RPIA: variants seen among roughly 807,000 people sequenced by gnomAD.
The protein encoded by RPIA is ribose 5-phosphate isomerase A, also known as ribose-5-phosphate isomerase.
RPIA carries 29 observed loss-of-function variants against 37.8 expected under a neutral mutation model. That is an observed-to-expected ratio of 0.77 (90% CI 0.57 to 1.05). The LOEUF (loss-of-function observed/expected upper bound fraction) is 1.05, where lower values mean the gene tolerates loss of function less well. Ranked by LOEUF, RPIA falls within the 50% of genes least tolerant of loss-of-function variation. The pLI is 0.00. For synonymous variants in RPIA, 167 were observed against 157.0 expected (o/e 1.06, Z -0.48); for missense variants, 385 against 413.6 (o/e 0.93, Z 0.60).
chr2:88,750,179 C>A lies in RPIA; in HGVS notation c.*101C>A. 9.2e-5 allele frequency: 64 copies of A among 698,566 alleles called. No individual in the cohort carries two copies. Among genetic ancestry groups the A allele is most frequent in the East Asian group, 1.2e-4 (4 of 32,082 alleles). 43.3% of individuals were successfully genotyped at this position (698,566 alleles called of 1,614,324 possible). A position where few individuals can be genotyped will look rare whatever the true frequency, so the allele number is the denominator to read the frequency against. On this transcript the variant is annotated 3_prime_UTR_variant, in exon 9 of 9. Coordinates refer to ENST00000283646, the MANE Select transcript of RPIA (RefSeq NM_144563.3). ...TTGCCTTAATGTATCTCTGCCTGGACAACTTGTGGTGGGGGGTGGGGGGAA... is the reference window on the plus strand; with the variant it reads ...TTGCCTTAATGTATCTCTGCCTGGAAAACTTGTGGTGGGGGGTGGGGGGAA...
chr2:88,711,271 C>G (rs1462008937), intron 3 of RPIA, among the ~76,000 whole-genome samples: 2 of 152,182 alleles, frequency 1.3e-5, no homozygotes, highest in African/African-American at 4.8e-5. Context: ...GCAAGGTGGT[C>G]AAGCTATAGC....
At chr2:88,693,852 AGCCACCTTGG>A (rs1676978030) in intron 1 of RPIA, among the ~76,000 whole-genome samples, 1 of 152,236 alleles carries the variant, frequency 6.6e-6, no homozygotes, top group Admixed American at 6.5e-5. Context: ...TCCTTTGTAT[AGCCACCTTGG>A]GCCCAGCTCT....
Position 88,750,292 on chromosome 2 carries a change from T to C in RPIA, c.*214T>C. On this transcript the variant is annotated 3_prime_UTR_variant, in exon 9 of 9. Transcript: ENST00000283646. ...GAGAAATATAAACATATATTTTTAC[T>C]ATTAAAATATTCAGTTTTTTAAATG... The C allele has an allele frequency of 2.4e-6, 1 of 418,194 alleles. No individual in the cohort carries two copies. Among genetic ancestry groups the C allele is most frequent in the South Asian group, 4.3e-5 (1 of 23,360 alleles). 25.9% of individuals were successfully genotyped at this position (418,194 alleles called of 1,614,324 possible).
At chr2:88,698,604 G>A (rs1326095425) in intron 2 of RPIA, 60 bp downstream of exon 2, 1 of 1,492,132 alleles carries the variant, frequency 6.7e-7, no homozygotes, top group Non-Finnish European at 9.4e-7. Context: ...GGGAGGTAGA[G>A]GAGAGGGAGG....
chr2:88,713,265 C>T (rs1274583301), intron 3 of RPIA, among the ~76,000 whole-genome samples: 2 of 148,666 alleles, frequency 1.3e-5, no homozygotes, highest in Non-Finnish European at 3.0e-5. Flanking sequence ...GGCCTCTAGC[C>T]ATCCTCCCAC....
chr2:88,714,494 G>A (rs977164692), intron 3 of RPIA, among the ~76,000 whole-genome samples: 2 of 152,178 alleles, frequency 1.3e-5, no homozygotes, highest in East Asian at 3.8e-4. Flanking sequence ...TTTGAAGAGT[G>A]CTGGGCTACC....
At chr2:88,693,507 C>G (rs79885488) in intron 1 of RPIA, among the ~76,000 whole-genome samples, 1 of 152,180 alleles carries the variant, frequency 6.6e-6, no homozygotes, top group South Asian at 2.1e-4. Context: ...ATTTCTCTTC[C>G]GTGATTCTGT....
At chr2:88,735,431 G>T (rs1673303459) in intron 5 of RPIA, among the ~76,000 whole-genome samples, 1 of 152,218 alleles carries the variant, frequency 6.6e-6, no homozygotes, top group Admixed American at 6.5e-5. Flanking sequence ...ATGGAATTAT[G>T]CCTGGCCTGA....
intron 3 of RPIA, among the ~76,000 whole-genome samples, chr2:88,722,794 A>C (rs1032563075): frequency 6.6e-6 from 1 of 152,232 alleles, no homozygotes; most frequent in East Asian, 1.9e-4. Flanking sequence ...CAAAGAAAAC[A>C]GAACACCCCA....
At chr2:88,698,620 G>A in intron 2 of RPIA, 76 bp downstream of exon 2, 2 of 1,387,036 alleles carry the variant, frequency 1.4e-6, no homozygotes, top group Non-Finnish European at 2.1e-6. Context: ...GGAGGAAGTG[G>A]CACACAGGTT....
At chr2:88,738,211 T>C (rs955674781) in intron 8 of RPIA, 135 bp downstream of exon 8, 69 of 714,692 alleles carry the variant, frequency 9.7e-5, no homozygotes, top group Non-Finnish European at 1.6e-4. Flanking sequence ...CTTTATACCA[T>C]GTTTGGGTTT....
intron 8 of RPIA, among the ~76,000 whole-genome samples, chr2:88,745,910 AC>A (rs1231707731): frequency 4.6e-5 from 7 of 152,194 alleles, no homozygotes; most frequent in South Asian, 2.1e-4. Context: ...TTCCTCAGGA[AC>A]ATCAGTTATT....
intron 3 of RPIA, among the ~76,000 whole-genome samples, chr2:88,713,935 A>G (rs886905573): frequency 1.4e-5 from 2 of 140,790 alleles, no homozygotes; most frequent in Non-Finnish European, 3.1e-5. Flanking sequence ...CAATTTCTTC[A>G]CTGAGGATGT....
At position 88,749,602 on chromosome 2, in the gene RPIA, G is replaced by C. The variant is rs560568589; in HGVS notation, c.839-379G>C. Among the ~76,000 whole-genome samples the C allele has an allele frequency of 1.3e-4, 20 of 152,318 alleles. No individual in the cohort carries two copies. In the East Asian group the frequency reaches 3.5e-3, roughly 26 times the overall value. Reference sequence around the variant, plus strand: ...TAACTGGTAGTGGGGCTCCTTGGCTGGAGTAGTCATGGAGGGTCTCTAGAG... The same window carrying C: ...TAACTGGTAGTGGGGCTCCTTGGCTCGAGTAGTCATGGAGGGTCTCTAGAG... On this transcript the variant is annotated intron_variant, in intron 8 of 8. Transcript: ENST00000283646.
At chr2:88,713,120 A>ATATATATATATT (rs1041923467) in intron 3 of RPIA, among the ~76,000 whole-genome samples, 1 of 65,280 alleles carries the variant, frequency 1.5e-5, no homozygotes, top group African/African-American at 7.9e-5. Context: ...ATATATATAT[A>ATATATATATATT]TTTTTTTTTT....
intron 8 of RPIA, among the ~76,000 whole-genome samples, chr2:88,747,226 G>A (rs536772793): frequency 1.2e-4 from 19 of 152,228 alleles, no homozygotes; most frequent in African/African-American, 4.3e-4. Context: ...TGCCAGGGAA[G>A]TAGGAGAAAG....
intron 3 of RPIA, among the ~76,000 whole-genome samples, chr2:88,724,266 G>T (rs1168187043): frequency 6.6e-6 from 1 of 152,082 alleles, no homozygotes; most frequent in Non-Finnish European, 1.5e-5. Flanking sequence ...ATAATTGAAA[G>T]AAACTTTTGC....
chr2:88,711,307 A>G (rs1252439255), intron 3 of RPIA, among the ~76,000 whole-genome samples: 1 of 152,246 alleles, frequency 6.6e-6, no homozygotes, highest in Non-Finnish European at 1.5e-5. Flanking sequence ...TTAGGGAAAC[A>G]TAAGACATCT....
At chr2:88,709,818 A>C (rs955263057) in intron 3 of RPIA, among the ~76,000 whole-genome samples, 1 of 152,240 alleles carries the variant, frequency 6.6e-6, no homozygotes, top group African/African-American at 2.4e-5. Context: ...CTGCTGCGTC[A>C]ACAAAATACT....
Sources: gnomAD v4.1 joint callset for allele counts (sites outside exome capture counted in the v4.1 genomes callset) on GRCh38, gnomAD v4.1.1 for gene constraint, MANE v1.5 for transcripts, NCBI Gene and HGNC (gene_info 2026-07-23, HGNC 2026-07-21) for gene names.